Variants in SCART1 observed in about 807,000 individuals in gnomAD.
The protein encoded by SCART1 is scavenger receptor family member expressed on T cells 1, also known as scavenger receptor cysteine-rich domain-containing protein SCART1.
A neutral mutation model predicts 36.2 loss-of-function variants in SCART1; 62 were observed. That is an observed-to-expected ratio of 1.71 (90% CI 1.40 to 2.12). The LOEUF (loss-of-function observed/expected upper bound fraction) is 2.12, where lower values mean the gene tolerates loss of function less well. Among genes scored for constraint, SCART1 ranks in the 30% most tolerant of loss-of-function variants. SCART1 has a pLI of 0.00. For missense variants in SCART1, 1,041 were observed against 540.5 expected (o/e 1.93, Z -9.18); for synonymous variants, 487 against 238.7 (o/e 2.04, Z -9.59).
exon 3 of SCART1, chr10:133,457,549 G>C (rs1172447236): frequency 1.4e-6 from 1 of 701,696 alleles, no homozygotes. Flanking sequence ...TGCGACCTGC[G>C]GCTGGACGCA....
intron 9 of SCART1, 135 bp from the exon 10 acceptor site, chr10:133,466,099 GC>G (rs772546540): frequency 2.6e-4 from 165 of 626,716 alleles, no homozygotes; most frequent in Middle Eastern, 3.9e-4. Flanking sequence ...ACCAGCAGAT[GC>G]CCCCCCAGCA....
At chr10:133,459,633 A>G (rs1431584973) in exon 6 of SCART1, 1 of 680,590 alleles carries the variant, frequency 1.5e-6, no homozygotes, top group East Asian at 2.7e-5. Context: ...ACTCGGGTGC[A>G]GAGGGGCCCA....
At chr10:133,465,666 G>C (rs1850757376) in intron 9 of SCART1, 101 bp downstream of exon 9, 1 of 601,430 alleles carries the variant, frequency 1.7e-6, no homozygotes, top group South Asian at 2.0e-5. Context: ...AGCTCGCCCA[G>C]GTGTTAGTGG....
chr10:133,465,900 G>A, intron 9 of SCART1: 1 of 680,706 alleles, frequency 1.5e-6, no homozygotes, highest in Non-Finnish European at 2.7e-6. Context: ...CCACAGTGAT[G>A]ACCTTAGCAA....
exon 11 of SCART1, chr10:133,467,341 A>G: frequency 1.4e-6 from 1 of 701,826 alleles, no homozygotes; most frequent in Non-Finnish European, 2.6e-6. Context: ...GAAGGTGGAC[A>G]CAGAAGCCGC....
exon 9 of SCART1, chr10:133,465,293 C>G (rs892189095): frequency 4.4e-6 from 3 of 684,456 alleles, no homozygotes; most frequent in Admixed American, 2.1e-5. Flanking sequence ...GACCGCTGCT[C>G]CGGGCGCGTG....
intron 3 of SCART1, chr10:133,458,012 C>A: frequency 1.8e-6 from 1 of 549,386 alleles, no homozygotes; most frequent in African/African-American, 1.9e-5. Flanking sequence ...TGCTGCGGTA[C>A]CCCAGAGAGG....
At chr10:133,458,327 C>T (rs1301329026) in intron 3 of SCART1, 33 bp from the exon 4 acceptor site, 4 of 702,440 alleles carry the variant, frequency 5.7e-6, no homozygotes, top group East Asian at 2.7e-5. Context: ...CTGAGAACAC[C>T]TGTCTCCTGC....
At chr10:133,459,282 C>A in exon 5 of SCART1, 3 of 655,092 alleles carry the variant, frequency 4.6e-6, no homozygotes, top group Non-Finnish European at 8.4e-6. Context: ...ACCCTGGGGG[C>A]CCCGGCCTGT....
At chr10:133,466,943 A>C (rs1248315610) in intron 10 of SCART1, 1 of 398,372 alleles carries the variant, frequency 2.5e-6, no homozygotes, top group Non-Finnish European at 4.5e-6. Context: ...ACTGAGCTCA[A>C]CCCTAGAAGG....
At chr10:133,459,746 G>T in exon 6 of SCART1, 1 of 697,430 alleles carries the variant, frequency 1.4e-6, no homozygotes. Context: ...AGTGCAACGT[G>T]TCCGCGACCC....
exon 12 of SCART1, chr10:133,468,601 T>C (rs1477399218): frequency 6.6e-6 from 1 of 152,224 alleles, no homozygotes; most frequent in African/African-American, 2.4e-5. Context: ...TGAAATATAA[T>C]ATTTGATGTT....
At chr10:133,464,027 G>T (rs1438264203) in intron 6 of SCART1, among the ~76,000 whole-genome samples, 1 of 152,000 alleles carries the variant, frequency 6.6e-6, no homozygotes, top group Non-Finnish European at 1.5e-5. Context: ...ACTTCTAGGA[G>T]ATCAACATTT....
At chr10:133,459,718 C>A (rs1181392084) in exon 6 of SCART1, 1 of 700,138 alleles carries the variant, frequency 1.4e-6, no homozygotes, top group African/African-American at 1.8e-5. Flanking sequence ...TGTCTGGGCA[C>A]CGAAACCCGC....
At chr10:133,468,756 G>C (rs1174696948) in exon 12 of SCART1, 1 of 152,052 alleles carries the variant, frequency 6.6e-6, no homozygotes. Context: ...ATTTTCATAT[G>C]TTAAATTAAC....
exon 12 of SCART1, chr10:133,468,423 A>T (rs1850786529): frequency 6.5e-6 from 1 of 152,870 alleles, no homozygotes; most frequent in African/African-American, 2.4e-5. Flanking sequence ...TCATCTGTGA[A>T]TATTCAGATT....
At chr10:133,465,879 C>A in intron 9 of SCART1, 1 of 686,562 alleles carries the variant, frequency 1.5e-6, no homozygotes, top group Non-Finnish European at 2.7e-6. Context: ...TTGCAGAAAA[C>A]AAACAGTTAA....
chr10:133,455,253 C>T (rs1029463177), intron 1 of SCART1, among the ~76,000 whole-genome samples: 4 of 152,086 alleles, frequency 2.6e-5, no homozygotes, highest in African/African-American at 7.2e-5. Flanking sequence ...AGTGACAGAG[C>T]GAGACTTTTG....
At position 133,459,779 on chromosome 10, in the gene SCART1, G is replaced by T. The variant is rs906099492; in HGVS notation, c.1578G>T (p.Ser526=). ...CCCTGCAGGAGCCCGCGGGGACCTCGCGGGACGCCGGCGTGGTGTGCTCCG... is the reference window on the plus strand; with the variant it reads ...CCCTGCAGGAGCCCGCGGGGACCTCTCGGGACGCCGGCGTGGTGTGCTCCG... The change falls in exon 6 of 12, where the codon TCG becomes TCT. Residue 526 remains serine (S), a synonymous_variant. Coordinates refer to ENST00000640237, the Ensembl canonical transcript of SCART1. The T allele has an allele frequency of 7.4e-6, 5 of 678,470 alleles. No homozygotes were observed. In the African/African-American group the frequency reaches 9.1e-5, roughly 12 times the overall value. The allele number at this position is 678,470 out of a possible 1,614,324, so 42.0% of individuals were successfully genotyped here. A position where few individuals can be genotyped will look rare whatever the true frequency, so the allele number is the denominator to read the frequency against.
Sources: gnomAD v4.1 joint callset for allele counts (sites outside exome capture counted in the v4.1 genomes callset) on GRCh38, gnomAD v4.1.1 for gene constraint, MANE v1.5 for transcripts, NCBI Gene and HGNC (gene_info 2026-07-23, HGNC 2026-07-21) for gene names.